Variants in HELZ observed in about 807,000 individuals in gnomAD.
HELZ encodes the protein helicase with zinc finger.
HELZ carries 23 observed loss-of-function variants against 218.2 expected under a neutral mutation model. The ratio of observed to expected loss-of-function variants is 0.11; its 90% CI spans 0.08 to 0.15. The LOEUF is 0.15. Among genes scored for constraint, HELZ ranks in the 10% least tolerant of loss-of-function variants. The pLI is 1.00. For synonymous variants in HELZ, 814 were observed against 829.4 expected (o/e 0.98, Z 0.32); for missense variants, 1,813 against 2,353.7 (o/e 0.77, Z 4.75).
chr17:67,195,955 G>A (rs2040017440), intron 7 of HELZ, among the ~76,000 whole-genome samples: 1 of 148,324 alleles, frequency 6.7e-6, no homozygotes, highest in Admixed American at 6.9e-5. Flanking sequence ...GGGTTCAAGT[G>A]ATTCTCCTGC....
chr17:67,165,046 G>A (rs569484418), intron 15 of HELZ, among the ~76,000 whole-genome samples: 60 of 152,286 alleles, frequency 3.9e-4, no homozygotes, highest in African/African-American at 1.4e-3. Context: ...AGCATGAAGA[G>A]GAGCTGAATC....
chr17:67,182,293 A>G (rs1398045903), intron 12 of HELZ, among the ~76,000 whole-genome samples: 5 of 152,048 alleles, frequency 3.3e-5, no homozygotes, highest in African/African-American at 1.2e-4. Context: ...AATACAAAAA[A>G]AAATAGCCGG....
chr17:67,170,853 C>CT (rs1187516853), intron 13 of HELZ, among the ~76,000 whole-genome samples: 2 of 151,672 alleles, frequency 1.3e-5, no homozygotes, highest in Non-Finnish European at 2.9e-5. Context: ...AGCAGGAACC[C>CT]TTACTTATTT....
In HELZ at chr17:67,218,660, G is replaced by C. The variant is rs768700363; in HGVS notation, c.145C>G (p.Pro49Ala). The C allele has an allele frequency of 9.9e-6, 16 of 1,614,084 alleles. No individual in the cohort carries two copies. Among genetic ancestry groups the C allele is most frequent in the Admixed American group, 1.7e-5 (1 of 60,002 alleles). Residue 49 changes from proline to alanine, a missense_variant, in exon 4 of 33, where the codon CCA becomes GCA. Transcript: ENST00000358691. The stretch of plus-strand genomic sequence containing the variant: ...ATTTTGATGCGTTCTATTTCCAATG[G>C]ACAAGGCCCTGTGAAGTCTGCCATG... The part of the protein sequence containing the change: ...YSMADFTGPC[P>A]LEIERIKIES...
intron 32 of HELZ, among the ~76,000 whole-genome samples, chr17:67,081,908 ATCAGAAG>A (rs2036205343): frequency 3.1e-5 from 3 of 96,606 alleles, no homozygotes; most frequent in African/African-American, 9.4e-5. Context: ...GAGCAGAGTG[ATCAGAAG>A]ACCAAGAGCA....
intron 7 of HELZ, chr17:67,200,920 A>G (rs2040151786): frequency 1.8e-6 from 1 of 543,038 alleles, no homozygotes. Context: ...AAGCCCTGGC[A>G]CACAGAGGAG....
At chr17:67,115,703 A>C (rs531629558) in intron 27 of HELZ, among the ~76,000 whole-genome samples, 14 of 152,232 alleles carry the variant, frequency 9.2e-5, no homozygotes, top group African/African-American at 2.9e-4. Context: ...AGAATTCTCC[A>C]CCCTACAAAA....
chr17:67,158,087 C>T (rs2038894092), intron 17 of HELZ, among the ~76,000 whole-genome samples: 1 of 152,210 alleles, frequency 6.6e-6, no homozygotes, highest in African/African-American at 2.4e-5. Context: ...CTCCTGGCAA[C>T]TAAAAGAATT....
intron 31 of HELZ, among the ~76,000 whole-genome samples, chr17:67,105,811 T>G (rs2037082742): frequency 6.6e-6 from 1 of 152,208 alleles, no homozygotes; most frequent in African/African-American, 2.4e-5. Flanking sequence ...TCTAACTTAC[T>G]TTAAGAGCCT....
At chr17:67,245,306 T>TGCCCCGGGTGGACTGCCG (rs1295321627), upstream of HELZ, 2 of 850,212 alleles carry the variant, frequency 2.4e-6, no homozygotes, top group African/African-American at 3.7e-5. Flanking sequence ...CCCGGAAAGT[T>TGCCCCGGGTGGACTGCCG]GCCCCGGGTG....
intron 21 of HELZ, among the ~76,000 whole-genome samples, chr17:67,141,313 T>C (rs2038315900): frequency 6.6e-6 from 1 of 151,880 alleles, no homozygotes; most frequent in South Asian, 2.1e-4. Context: ...ACAAAGGAGG[T>C]AGGTAAAAAA....
chr17:67,147,936 C>T (rs2038555840), intron 20 of HELZ, among the ~76,000 whole-genome samples: 2 of 152,258 alleles, frequency 1.3e-5, no homozygotes, highest in Non-Finnish European at 2.9e-5. Flanking sequence ...CGCGCTTTCT[C>T]CCATACCATG....
At chr17:67,138,175 A>G (rs571473585) in intron 21 of HELZ, 61 bp from the exon 22 acceptor site, 1 of 1,350,866 alleles carries the variant, frequency 7.4e-7, no homozygotes, top group African/African-American at 1.5e-5. Context: ...AGAAAATAAT[A>G]TCGTAACTAA....
At position 67,189,591 on chromosome 17, in the gene HELZ, T is replaced by C. The variant is rs1340647396; in HGVS notation, c.862A>G (p.Lys288Glu). The C allele has an allele frequency of 1.2e-6, 2 of 1,603,778 alleles. No homozygotes were observed. Among genetic ancestry groups the C allele is most frequent in the Non-Finnish European group, 1.7e-6 (2 of 1,170,698 alleles). ...TTTAACTAGCACAAAATTCATACCT[T>C]ACAAGTGAGAGCAAAGGTCCATGTC... The part of the protein sequence containing the change: ...HQTWTFALTC[K>E]PARMLYRVAL... Residue 288 changes from lysine (K) to glutamate (E), a missense_variant and splice_region_variant, in exon 11 of 33, where the codon AAG becomes GAG. Physicochemically the swap from Lys to Glu is moderately conservative, Grantham distance 56. Around this residue, in one of 4 missense-constraint regions of HELZ, gnomAD observed 714 missense variants for 1,029.2 expected, o/e 0.69. Transcript: ENST00000358691.
At chr17:67,126,445 CA>C (rs1192858492) in intron 24 of HELZ, among the ~76,000 whole-genome samples, 1 of 152,150 alleles carries the variant, frequency 6.6e-6, no homozygotes, top group Non-Finnish European at 1.5e-5. Flanking sequence ...ATACAGGATA[CA>C]ATCCTCCAGT....
rs1169662576 is a variant in HELZ, at chr17:67,128,859, C to T, written c.3183-4G>A. On this transcript the variant is annotated splice_region_variant and splice_polypyrimidine_tract_variant and intron_variant, in intron 23 of 32. Coordinates refer to ENST00000358691, the MANE Select transcript of HELZ (RefSeq NM_014877.4). The stretch of plus-strand genomic sequence containing the variant: ...AATAAACCGTTCCCAAAATTTCCTA[C>T]AGAAAAGATTTACAAGATCAGATTA... 6.2e-7 allele frequency: 1 copy of T among 1,607,488 alleles called. No individual in the cohort carries two copies. Among genetic ancestry groups the T allele is most frequent in the South Asian group, 1.1e-5 (1 of 90,908 alleles).
At chr17:67,138,202 A>T (rs750262250) in intron 21 of HELZ, 88 bp from the exon 22 acceptor site, 63 of 1,080,900 alleles carry the variant, frequency 5.8e-5, no homozygotes, top group Middle Eastern at 4.4e-4. Flanking sequence ...TTTATAAAGG[A>T]TCCCATTTTA....
At chr17:67,129,217 A>G (rs1172456619) in intron 23 of HELZ, among the ~76,000 whole-genome samples, 2 of 152,074 alleles carry the variant, frequency 1.3e-5, no homozygotes, top group Non-Finnish European at 2.9e-5. Flanking sequence ...CAAAATTTGT[A>G]CTTCTAGGCA....
chr17:67,237,229 G>A (rs778772949), intron 3 of HELZ, among the ~76,000 whole-genome samples: 4 of 151,322 alleles, frequency 2.6e-5, no homozygotes, highest in Non-Finnish European at 5.9e-5. Flanking sequence ...AGGTTGCAGT[G>A]AGCCGAGATC....
Sources: allele counts gnomAD v4.1 joint callset (sites outside exome capture counted in the v4.1 genomes callset), GRCh38; gene constraint gnomAD v4.1.1; regional missense constraint gnomAD v4.1.1; transcripts MANE v1.5; gene names NCBI Gene and HGNC (gene_info 2026-07-23, HGNC 2026-07-21).